The following CYRIB variants were observed in gnomAD, a reference collection of about 807,000 sequenced individuals.
CYRIB encodes the protein CYFIP related Rac1 interactor B, also known as CYFIP-related Rac1 interactor B.
Under a neutral mutation model 44.2 loss-of-function variants are expected in CYRIB, and 8 were observed. The ratio of observed to expected loss-of-function variants is 0.18; its 90% CI spans 0.11 to 0.33. CYRIB has a LOEUF of 0.33. Among genes scored for constraint, CYRIB ranks in the 10% least tolerant of loss-of-function variants. The probability of loss-of-function intolerance (pLI) is 1.00; values close to 1 mark genes in which losing one functional copy is unlikely to be tolerated. For synonymous variants in CYRIB, 131 were observed against 127.2 expected (o/e 1.03, Z -0.20); for missense variants, 185 against 382.8 (o/e 0.48, Z 4.31).
At chr8:129,909,760 T>C (rs1386033418) in intron 1 of CYRIB, among the ~76,000 whole-genome samples, 2 of 152,212 alleles carry the variant, frequency 1.3e-5, no homozygotes, top group African/African-American at 2.4e-5. Context: ...CTACACAATA[T>C]AGCTCTGCCT....
At chr8:130,015,984 C>G (rs1453374392) in intron 1 of CYRIB, among the ~76,000 whole-genome samples, 1 of 152,114 alleles carries the variant, frequency 6.6e-6, no homozygotes, top group East Asian at 1.9e-4. Flanking sequence ...CGACACCCGG[C>G]TCGCAGGAAG....
In CYRIB at chr8:129,863,728, A is replaced by T. The variant is rs114942569; in HGVS notation, c.196-1394T>A. Among the ~76,000 whole-genome samples, 1,355 of 152,276 alleles carry T rather than the reference A, an allele frequency of 8.9e-3. 17 individuals are homozygous for T. The highest frequency in any genetic ancestry group is 0.031 in the African/African-American group (1,283 of 41,550). ...ACTTCTTCTATACCCAGTCTTTCAAATCATTAAGTAATCTTTTCTGAATAG... is the reference window on the plus strand; with the variant it reads ...ACTTCTTCTATACCCAGTCTTTCAATTCATTAAGTAATCTTTTCTGAATAG... On this transcript the variant is annotated intron_variant, in intron 4 of 11. Coordinates refer to ENST00000519824, the Ensembl canonical transcript of CYRIB.
At chr8:129,967,366 GTTTTGTTT>G (rs548023830) in intron 2 of CYRIB, among the ~76,000 whole-genome samples, 1,853 of 150,444 alleles carry the variant, frequency 0.012, 38 homozygotes, top group African/African-American at 0.044. Flanking sequence ...GTTTTGTTTT[GTTTTGTTT>G]TTTTGTTTTT....
intron 1 of CYRIB, among the ~76,000 whole-genome samples, chr8:130,015,865 A>C (rs974074634): frequency 1.3e-5 from 2 of 152,170 alleles, no homozygotes; most frequent in Non-Finnish European, 2.9e-5. Flanking sequence ...AGGCCAGTGG[A>C]GATTTTGTTC....
At chr8:129,856,879 T>C (rs1051168516) in intron 5 of CYRIB, among the ~76,000 whole-genome samples, 7 of 152,224 alleles carry the variant, frequency 4.6e-5, no homozygotes, top group Admixed American at 2.0e-4. Context: ...AAACTGTCTC[T>C]GAAATAAAGC....
At chr8:129,847,245 C>CCT in intron 10 of CYRIB, 5 of 170,374 alleles carry the variant, frequency 2.9e-5, no homozygotes, top group Non-Finnish European at 6.2e-5. Context: ...GGGCGGATCA[C>CCT]AAGGTCAGGA....
At chr8:129,890,822 G>A (rs551018635) in intron 2 of CYRIB, among the ~76,000 whole-genome samples, 144 of 152,130 alleles carry the variant, frequency 9.5e-4, no homozygotes, top group African/African-American at 3.3e-3. Flanking sequence ...GAACACGGGA[G>A]GCGGAGGCTG....
chr8:129,891,700 T>C (rs1311313490), intron 2 of CYRIB, among the ~76,000 whole-genome samples: 1 of 152,262 alleles, frequency 6.6e-6, no homozygotes, highest in African/African-American at 2.4e-5. Context: ...TTTCTAGTCC[T>C]GACTCTATCA....
chr8:129,975,432 T>C (rs958738780), intron 1 of CYRIB, among the ~76,000 whole-genome samples: 3 of 152,278 alleles, frequency 2.0e-5, no homozygotes, highest in Non-Finnish European at 2.9e-5. Context: ...TCTGGACATA[T>C]GTATGTATTT....
intron 3 of CYRIB, among the ~76,000 whole-genome samples, chr8:129,875,670 A>G (rs1443020816): frequency 2.6e-5 from 4 of 152,246 alleles, no homozygotes; most frequent in African/African-American, 9.6e-5. Context: ...CCTTCTATCA[A>G]GACTAAACGT....
intron 2 of CYRIB, among the ~76,000 whole-genome samples, chr8:129,965,425 G>A (rs1305456573): frequency 2.0e-5 from 3 of 152,094 alleles, no homozygotes; most frequent in Non-Finnish European, 4.4e-5. Context: ...TTAAACTTAA[G>A]AATATATCCT....
chr8:129,906,763 A>G (rs2075612955), intron 1 of CYRIB, among the ~76,000 whole-genome samples: 1 of 152,092 alleles, frequency 6.6e-6, no homozygotes, highest in Non-Finnish European at 1.5e-5. Flanking sequence ...CAAGAAAAAA[A>G]CAAACAACCC....
chr8:129,851,886 A>G (rs962865394), intron 8 of CYRIB: 1 of 311,152 alleles, frequency 3.2e-6, no homozygotes, highest in Non-Finnish European at 5.8e-6. Flanking sequence ...TGAGAAAGCA[A>G]AAACTAAAGA....
intron 1 of CYRIB, among the ~76,000 whole-genome samples, chr8:129,921,257 A>G (rs1003947508): frequency 6.6e-6 from 1 of 152,202 alleles, no homozygotes; most frequent in Non-Finnish European, 1.5e-5. Flanking sequence ...ATTCATAACA[A>G]TTTACTTATC....
At chr8:130,008,170 C>T (rs1431821265) in intron 1 of CYRIB, among the ~76,000 whole-genome samples, 3 of 151,806 alleles carry the variant, frequency 2.0e-5, no homozygotes, top group Non-Finnish European at 4.4e-5. Context: ...GATCGTGCCA[C>T]TGCACTCCAG....
intron 1 of CYRIB, among the ~76,000 whole-genome samples, chr8:129,930,095 C>T (rs1397395904): frequency 6.6e-6 from 1 of 151,674 alleles, no homozygotes. Flanking sequence ...CCTGTAATCC[C>T]AGCTACTCAG....
At position 129,851,584 on chromosome 8, in the gene CYRIB, G is replaced by A. The variant is rs554023730; in HGVS notation, c.633+578C>T. The A allele has an allele frequency of 2.2e-3, 340 of 152,522 alleles. 1 individual carries two copies. Among genetic ancestry groups the A allele is most frequent in the Middle Eastern group, 0.013 (4 of 302 alleles). The allele number at this position is 152,522 out of a possible 1,614,324, so 9.4% of individuals were successfully genotyped here. ...AGCACTTTGGGAGGCGGAGGCAGGC[G>A]GATCACCTGAGGTCGGGAGTTCGAG... is the stretch of plus-strand genomic sequence containing the variant. On this transcript the variant is annotated intron_variant, in intron 8 of 11. Transcript: ENST00000519824.
chr8:129,917,119 C>T (rs796557423), intron 1 of CYRIB, among the ~76,000 whole-genome samples: 5 of 152,260 alleles, frequency 3.3e-5, no homozygotes, highest in African/African-American at 1.2e-4. Flanking sequence ...ATCAAATATC[C>T]ACCATGTGGC....
chr8:130,006,282 G>A (rs191422213), intron 1 of CYRIB, among the ~76,000 whole-genome samples: 14 of 151,676 alleles, frequency 9.2e-5, no homozygotes, highest in African/African-American at 3.1e-4. Flanking sequence ...CAGCTTGGGT[G>A]ACAAAGTGAC....
Sources: gnomAD v4.1 joint callset for allele counts (sites outside exome capture counted in the v4.1 genomes callset) on GRCh38, gnomAD v4.1.1 for gene constraint, MANE v1.5 for transcripts, NCBI Gene and HGNC (gene_info 2026-07-23, HGNC 2026-07-21) for gene names.